The following TRAF3 variants were observed in gnomAD, a reference collection of about 807,000 sequenced individuals.
TRAF3 encodes the protein TNF receptor associated factor 3, also known as TNF receptor-associated factor 3.
Under a neutral mutation model 62.3 loss-of-function variants are expected in TRAF3, and 13 were observed. The observed-to-expected ratio is 0.21, with a 90% CI of 0.14 to 0.33. TRAF3 has a LOEUF of 0.33. TRAF3 is among the 10% of genes least tolerant of loss of function. The pLI is 1.00. For missense variants in TRAF3, 440 were observed against 741.8 expected (o/e 0.59, Z 4.73); for synonymous variants, 269 against 283.4 (o/e 0.95, Z 0.51).
intron 11 of TRAF3, among the ~76,000 whole-genome samples, chr14:102,904,928 A>G (rs971648310): frequency 6.6e-6 from 1 of 151,930 alleles, no homozygotes; most frequent in African/African-American, 2.4e-5. Flanking sequence ...CCTGGCCAAC[A>G]TGGCGAAACC....
At chr14:102,795,468 T>C (rs572148492) in intron 1 of TRAF3, among the ~76,000 whole-genome samples, 2 of 152,336 alleles carry the variant, frequency 1.3e-5, no homozygotes, top group South Asian at 4.1e-4. Flanking sequence ...CCTCCCTTTG[T>C]TCCCAAGTAA....
At chr14:102,794,916 C>T (rs563992242) in intron 1 of TRAF3, among the ~76,000 whole-genome samples, 4 of 152,268 alleles carry the variant, frequency 2.6e-5, no homozygotes, top group East Asian at 3.9e-4. Flanking sequence ...TGGGTCCATA[C>T]GTTTTTTCTT....
intron 1 of TRAF3, among the ~76,000 whole-genome samples, chr14:102,784,985 A>G (rs1897425611): frequency 6.6e-6 from 1 of 152,146 alleles, no homozygotes; most frequent in African/African-American, 2.4e-5. Context: ...GTGACAGCCT[A>G]ACTTCTGAGG....
Position 102,826,836 on chromosome 14 carries a change from A to C in TRAF3, c.-156-3498A>C, listed in dbSNP as rs1400672678. ...GGCTGCCAAAGGACAGCTGTTACTT[A>C]TGGGTGGCGGCGTGGTGAGGTCGCA... On this transcript the variant is annotated intron_variant, in intron 1 of 11. Transcript: ENST00000392745. The surrounding 1 kb of genome is among the most constrained non-coding windows in gnomAD (Gnocchi z 4.6). Among the ~76,000 whole-genome samples, 1 of 152,120 alleles carries C rather than the reference A, an allele frequency of 6.6e-6. No individual in the cohort carries two copies. Among genetic ancestry groups the C allele is most frequent in the Non-Finnish European group, 1.5e-5 (1 of 68,012 alleles).
Position 102,910,118 on chromosome 14 carries a change from T to C in TRAF3, c.*4334T>C, listed in dbSNP as rs531025035. Reference sequence around the variant, plus strand: ...TAGGGTGGCAGTGCCACTGTCTCCTTGGGCCGTTGCAGGATTGGGCGGGTG... The same window carrying C: ...TAGGGTGGCAGTGCCACTGTCTCCTCGGGCCGTTGCAGGATTGGGCGGGTG... On this transcript the variant is annotated 3_prime_UTR_variant, in exon 12 of 12. Transcript: ENST00000392745. The C allele has an allele frequency of 2.0e-4, 30 of 152,382 alleles. No homozygotes were observed. The highest frequency in any genetic ancestry group is 7.0e-4 in the African/African-American group (29 of 41,592). The allele number at this position is 152,382 out of a possible 1,614,324, so 9.4% of individuals were successfully genotyped here.
chr14:102,785,835 A>T (rs1897470862), intron 1 of TRAF3, among the ~76,000 whole-genome samples: 1 of 152,208 alleles, frequency 6.6e-6, no homozygotes, highest in African/African-American at 2.4e-5. Context: ...AACGGAATGC[A>T]GCCAGACACT....
chr14:102,792,432 ATTTT>A (rs35496572), intron 1 of TRAF3, among the ~76,000 whole-genome samples: 12 of 122,726 alleles, frequency 9.8e-5, no homozygotes, highest in Non-Finnish European at 1.3e-4. Flanking sequence ...CAGTTAATTG[ATTTT>A]TTTTTTTTTT....
intron 2 of TRAF3, among the ~76,000 whole-genome samples, chr14:102,840,177 TA>T (rs1324322517): frequency 2.6e-5 from 4 of 152,112 alleles, no homozygotes; most frequent in Admixed American, 2.0e-4. Flanking sequence ...TGCAGTGCTT[TA>T]AAAAAATCAA....
At chr14:102,872,393 A>G (rs1230883990) in intron 4 of TRAF3, among the ~76,000 whole-genome samples, 1 of 152,184 alleles carries the variant, frequency 6.6e-6, no homozygotes. Context: ...CAGACTCGCT[A>G]GGCTGAGGGG....
At chr14:102,905,112 A>G (rs1890520825) in intron 11 of TRAF3, 101 bp from the exon 12 acceptor site, 1 of 1,267,776 alleles carries the variant, frequency 7.9e-7, no homozygotes, top group Non-Finnish European at 1.1e-6. Context: ...ACTCCGTCTC[A>G]AAAAAATGAA....
intron 2 of TRAF3, among the ~76,000 whole-genome samples, chr14:102,857,505 G>T (rs1350042144): frequency 3.3e-5 from 5 of 152,230 alleles, no homozygotes; most frequent in African/African-American, 1.2e-4. Flanking sequence ...AGGAAGCTTA[G>T]ATAAGACTTT....
chr14:102,910,874 A>G lies in TRAF3; in HGVS notation c.*5090A>G, dbSNP rs1222887971. On this transcript the variant is annotated 3_prime_UTR_variant, in exon 12 of 12. Coordinates refer to ENST00000392745, the MANE Select transcript of TRAF3 (RefSeq NM_145725.3). ...AACTTAGTCCCCTCAGACAAGTAAG[A>G]TACCCTCCAACAGCAAATTCAATGA... 6.6e-6 allele frequency: 1 copy of G among 152,246 alleles called. No homozygotes were observed. 9.4% of individuals were successfully genotyped at this position (152,246 alleles called of 1,614,324 possible). A position where few individuals can be genotyped will look rare whatever the true frequency, so the allele number is the denominator to read the frequency against.
intron 6 of TRAF3, among the ~76,000 whole-genome samples, chr14:102,879,593 T>G (rs568333342): frequency 3.3e-5 from 5 of 152,000 alleles, no homozygotes; most frequent in African/African-American, 1.2e-4. Flanking sequence ...AGGGAGAGTT[T>G]CTTTTGCTTT....
chr14:102,816,194 C>T (rs962530161), intron 1 of TRAF3, among the ~76,000 whole-genome samples: 1 of 152,038 alleles, frequency 6.6e-6, no homozygotes, highest in Non-Finnish European at 1.5e-5. Context: ...CCTCCGCCTC[C>T]TGGGCTCAGG....
chr14:102,800,695 C>CTT lies in TRAF3; in HGVS notation c.-157+23039_-157+23040dup, dbSNP rs369818329. Among the ~76,000 whole-genome samples the CTT allele has an allele frequency of 4.1e-3, 541 of 133,176 alleles. 7 individuals are homozygous for CTT. Among genetic ancestry groups the CTT allele is most frequent in the Admixed American group, 8.3e-3 (110 of 13,208 alleles). The allele number at this position is 133,176 out of a possible 152,430, so 87.4% of individuals were successfully genotyped here. The stretch of plus-strand genomic sequence containing the variant: ...AATTAACATGTTTCCTGTTCTTTTC[C>CTT]TTTTTTTTTTTTTTTTTTTTGAGAA... On this transcript the variant is annotated intron_variant, in intron 1 of 11. Coordinates refer to ENST00000392745, the MANE Select transcript of TRAF3 (RefSeq NM_145725.3).
chr14:102,833,226 G>T (rs546628109), intron 2 of TRAF3, among the ~76,000 whole-genome samples: 2 of 152,278 alleles, frequency 1.3e-5, no homozygotes, highest in East Asian at 3.9e-4. Context: ...GTACATGTTG[G>T]GTGAATGAAT....
At chr14:102,892,862 G>A (rs187948770) in intron 9 of TRAF3, among the ~76,000 whole-genome samples, 277 of 152,332 alleles carry the variant, frequency 1.8e-3, no homozygotes, top group African/African-American at 6.0e-3. Context: ...GCAGAACAGC[G>A]CTGATGAGCA....
intron 6 of TRAF3, 71 bp downstream of exon 6, chr14:102,876,596 A>G: frequency 1.3e-6 from 2 of 1,571,010 alleles, no homozygotes; most frequent in East Asian, 2.4e-5. Context: ...CCTTCCGCTC[A>G]ATTCGTAGAT....
chr14:102,895,400 A>G (rs1175394113), intron 9 of TRAF3, among the ~76,000 whole-genome samples: 1 of 152,240 alleles, frequency 6.6e-6, no homozygotes, highest in African/African-American at 2.4e-5. Flanking sequence ...AACTGTGCCG[A>G]ATATGAAAAG....
Sources: gnomAD v4.1 joint callset for allele counts (sites outside exome capture counted in the v4.1 genomes callset) on GRCh38, gnomAD v4.1.1 for gene constraint, Gnocchi (gnomAD v3.1) non-coding constraint, MANE v1.5 for transcripts, NCBI Gene and HGNC (gene_info 2026-07-23, HGNC 2026-07-21) for gene names.